MTTP: variants seen among roughly 807,000 people sequenced by gnomAD.
The protein encoded by MTTP is microsomal triglyceride transfer protein.
In MTTP, 49 loss-of-function variants were observed where a neutral mutation model predicts 90.6. The ratio of observed to expected loss-of-function variants is 0.54; its 90% CI spans 0.43 to 0.69. MTTP has a LOEUF of 0.69. MTTP is among the 30% of genes least tolerant of loss of function. The probability of loss-of-function intolerance (pLI) is 0.00; values close to 1 mark genes in which losing one functional copy is unlikely to be tolerated. For missense variants in MTTP, 945 were observed against 1,067.5 expected, an observed-to-expected ratio of 0.89 and a Z score of 1.60; for synonymous variants, 347 against 384.2, an observed-to-expected ratio of 0.90 and a Z score of 1.13.
intron 3 of MTTP, among the ~76,000 whole-genome samples, chr4:99,586,647 G>A (rs1242212014): frequency 6.6e-6 from 1 of 152,092 alleles, no homozygotes; most frequent in Non-Finnish European, 1.5e-5. Context: ...AGATATCAAA[G>A]ATAAAATTAC....
At chr4:99,593,527 T>A (rs1035913973) in intron 6 of MTTP, among the ~76,000 whole-genome samples, 32 of 152,192 alleles carry the variant, frequency 2.1e-4, no homozygotes, top group Admixed American at 2.0e-3. Context: ...AGAATTGTTC[T>A]AACAGGATTA....
chr4:99,566,463 T>A (rs1021593303), intron 1 of MTTP, among the ~76,000 whole-genome samples: 1 of 152,136 alleles, frequency 6.6e-6, no homozygotes, highest in African/African-American at 2.4e-5. Context: ...AAAGAGATAC[T>A]ACTCCATGGG....
At chr4:99,570,094 T>C (rs1463186759), upstream of MTTP, among the ~76,000 whole-genome samples, 6 of 151,958 alleles carry the variant, frequency 3.9e-5, no homozygotes, top group Middle Eastern at 3.2e-3. Context: ...TTCTCCACCA[T>C]ACTTTCTTTG....
At position 99,612,989 on chromosome 4, in the gene MTTP, A is replaced by G; in HGVS notation, c.2066A>G (p.Tyr689Cys). The change falls in exon 15 of 18, where the codon TAT becomes TGT. Residue 689 changes from tyrosine (Y) to cysteine (C), a missense_variant. Physicochemically the swap from Tyr to Cys is radical, Grantham distance 194. Coordinates refer to ENST00000265517, the MANE Select transcript of MTTP (RefSeq NM_001386140.1). ...PDEGEENLDS[Y>C]AGMSAILFDV... The stretch of plus-strand genomic sequence containing the variant: ...GAGGGGGAGGAGAACCTTGACTCCT[A>G]TGCTGGTATGTCAGCCATCCTCTTT... The G allele has an allele frequency of 6.2e-7, 1 of 1,614,082 alleles. No individual in the cohort carries two copies. The highest frequency in any genetic ancestry group is 1.3e-5 in the African/African-American group (1 of 75,040).
intron 11 of MTTP, among the ~76,000 whole-genome samples, chr4:99,607,506 ACT>A (rs1725845489): frequency 6.6e-6 from 1 of 152,018 alleles, no homozygotes; most frequent in African/African-American, 2.4e-5. Flanking sequence ...CTACGTATAA[ACT>A]CTGGCTCTGT....
At chr4:99,582,323 G>T (rs1442871608) in intron 2 of MTTP, among the ~76,000 whole-genome samples, 1 of 152,194 alleles carries the variant, frequency 6.6e-6, no homozygotes, top group African/African-American at 2.4e-5. Flanking sequence ...AACGACCAGA[G>T]TATGGTGTTC....
chr4:99,612,117 G>A (rs1452155644), intron 14 of MTTP, among the ~76,000 whole-genome samples: 1 of 152,104 alleles, frequency 6.6e-6, no homozygotes, highest in Admixed American at 6.6e-5. Context: ...AGCCATTTAA[G>A]TTTTTAAAAT....
intron 15 of MTTP, among the ~76,000 whole-genome samples, chr4:99,614,812 T>C (rs779792030): frequency 1.3e-5 from 2 of 152,236 alleles, no homozygotes; most frequent in Non-Finnish European, 2.9e-5. Flanking sequence ...GTTACATGGC[T>C]ATCTCTAGCT....
chr4:99,606,794 CA>C lies in MTTP; in HGVS notation c.1392del (p.Glu465ArgfsTer13), dbSNP rs1725827570. 1 of 1,613,762 alleles carries C rather than the reference CA, an allele frequency of 6.2e-7. No homozygotes were observed. The highest frequency in any genetic ancestry group is 8.5e-7 in the Non-Finnish European group (1 of 1,179,952). On this transcript the variant is annotated frameshift_variant, in exon 11 of 18. Transcript: ENST00000265517. LOFTEE classifies it high-confidence loss of function. ...KKLILGGLEK[A>X]EKKEDTRMYL... ...TTAATCCTGGGAGGACTTGAAAAAGCAGAGAAAAAAGAGGACACCAGGATGT... is the reference window on the plus strand; with the variant it reads ...TTAATCCTGGGAGGACTTGAAAAAGCGAGAAAAAAGAGGACACCAGGATGT...
At position 99,566,300 on chromosome 4, in the gene MTTP, A is replaced by AAAG. The variant is rs1352898914; in HGVS notation, c.-102+2065_-102+2066insGAA. Reference sequence around the variant, plus strand: ...TGATACTCCGTCTCAAAAAAAAGAAAAAAAAAAAAAAAAAGAAAAATAGGT... The same window carrying AAAG: ...TGATACTCCGTCTCAAAAAAAAGAAAAAGAAAAAAAAAAAAAAGAAAAATAGGT... On this transcript the variant is annotated intron_variant, in intron 1 of 18. Transcript: ENST00000457717. Among the ~76,000 whole-genome samples the AAAG allele has an allele frequency of 3.7e-4, 49 of 131,122 alleles. No homozygotes were observed. In the South Asian group the frequency reaches 0.011, roughly 29 times the overall value. The allele number at this position is 131,122 out of a possible 152,430, so 86.0% of individuals were successfully genotyped here.
chr4:99,593,580 T>A (rs1725481431), intron 6 of MTTP, among the ~76,000 whole-genome samples: 1 of 152,162 alleles, frequency 6.6e-6, no homozygotes, highest in African/African-American at 2.4e-5. Flanking sequence ...TATTTTCAGA[T>A]TTTAATTCAG....
At chr4:99,565,738 GT>G (rs1327593504) in intron 1 of MTTP, among the ~76,000 whole-genome samples, 1 of 152,216 alleles carries the variant, frequency 6.6e-6, no homozygotes, top group Non-Finnish European at 1.5e-5. Flanking sequence ...AGAGGACATA[GT>G]TTTGGAGATT....
intron 1 of MTTP, among the ~76,000 whole-genome samples, chr4:99,567,518 G>A (rs1724731833): frequency 1.3e-5 from 2 of 152,156 alleles, no homozygotes; most frequent in South Asian, 2.1e-4. Flanking sequence ...TGAGGTCGGC[G>A]TCAAAACTGG....
intron 12 of MTTP, 148 bp downstream of exon 12, chr4:99,609,125 A>C: frequency 1.3e-6 from 1 of 769,264 alleles, no homozygotes; most frequent in South Asian, 1.6e-5. Flanking sequence ...TAATAGGGCT[A>C]TTTAGGGGGC....
At chr4:99,617,666 C>T (rs1726130706) in intron 15 of MTTP, among the ~76,000 whole-genome samples, 1 of 152,002 alleles carries the variant, frequency 6.6e-6, no homozygotes, top group Non-Finnish European at 1.5e-5. Context: ...CAATCTGATT[C>T]CAATCCAACT....
Position 99,606,970 on chromosome 4 carries a change from C to A in MTTP, c.1557+10C>A. The A allele has an allele frequency of 6.2e-7, 1 of 1,607,764 alleles. No individual in the cohort carries two copies. The highest frequency in any genetic ancestry group is 1.1e-5 in the South Asian group (1 of 90,524). ...TTTCATAACTGATGAGGTAAAATCT[C>A]CAAGAATATTTGCAACATTTACAGA... is the stretch of plus-strand genomic sequence containing the variant. On this transcript the variant is annotated intron_variant, in intron 11 of 17. Coordinates refer to ENST00000265517, the MANE Select transcript of MTTP (RefSeq NM_001386140.1).
chr4:99,609,051 T>C (rs910447874), intron 12 of MTTP, 74 bp downstream of exon 12: 1 of 1,345,938 alleles, frequency 7.4e-7, no homozygotes, highest in Non-Finnish European at 1.1e-6. Flanking sequence ...ATGTAGCTAA[T>C]AATAATGATG....
At chr4:99,567,385 C>T (rs1724727900) in intron 1 of MTTP, among the ~76,000 whole-genome samples, 1 of 152,106 alleles carries the variant, frequency 6.6e-6, no homozygotes, top group Non-Finnish European at 1.5e-5. Flanking sequence ...GCAAACCCAA[C>T]TTAATATCAG....
chr4:99,567,313 A>G (rs1460967612), intron 1 of MTTP, among the ~76,000 whole-genome samples: 1 of 152,212 alleles, frequency 6.6e-6, no homozygotes, highest in Non-Finnish European at 1.5e-5. Context: ...ATCCCAGAAG[A>G]TAGCTATAAC....
Sources: gnomAD v4.1 joint callset for allele counts (sites outside exome capture counted in the v4.1 genomes callset) on GRCh38, gnomAD v4.1.1 for gene constraint, MANE v1.5 for transcripts, NCBI Gene and HGNC (gene_info 2026-07-23, HGNC 2026-07-21) for gene names.